The following CTNNA2 variants were observed in gnomAD, a reference collection of about 807,000 sequenced individuals.
CTNNA2 encodes the protein catenin alpha 2, also known as catenin alpha-2.
CTNNA2 carries 42 observed loss-of-function variants against 101.0 expected under a neutral mutation model. That is an observed-to-expected ratio of 0.42 (90% CI 0.32 to 0.54). The LOEUF (loss-of-function observed/expected upper bound fraction) is 0.54. Among genes scored for constraint, CTNNA2 ranks in the 20% least tolerant of loss-of-function variants. CTNNA2 has a pLI of 0.14. For synonymous variants in CTNNA2, 450 were observed against 456.4 expected (o/e 0.99, Z 0.18); for missense variants, 871 against 1,223.1 (o/e 0.71, Z 4.29).
At chr2:80,209,228 G>A (rs915818653) in intron 7 of CTNNA2, among the ~76,000 whole-genome samples, 2 of 147,052 alleles carry the variant, frequency 1.4e-5, no homozygotes, top group African/African-American at 2.5e-5. Flanking sequence ...CTGAGAAGGA[G>A]TCTTGCTCTG....
chr2:80,296,323 A>G (rs538784671), intron 7 of CTNNA2, among the ~76,000 whole-genome samples: 11 of 152,276 alleles, frequency 7.2e-5, no homozygotes, highest in African/African-American at 2.6e-4. Context: ...TGGAAGGAAT[A>G]TCAAGTTTCT....
intron 7 of CTNNA2, among the ~76,000 whole-genome samples, chr2:80,295,448 AT>A (rs960427010): frequency 1.4e-4 from 22 of 151,868 alleles, no homozygotes; most frequent in East Asian, 7.7e-4. Flanking sequence ...CTCTCAGTGA[AT>A]TTTTTTTTAA....
Position 80,591,801 on chromosome 2 carries a change from C to G in CTNNA2, c.2189+2316C>G, listed in dbSNP as rs1696536146. ...ATTCATTAATTTGATTCAGTAATCTCAATGATATTCACTCCATTGTTATTA... is the reference window on the plus strand; with the variant it reads ...ATTCATTAATTTGATTCAGTAATCTGAATGATATTCACTCCATTGTTATTA... On this transcript the variant is annotated intron_variant, in intron 15 of 18. Transcript: ENST00000402739. Among the ~76,000 whole-genome samples, 3 of 152,044 alleles carry G rather than the reference C, an allele frequency of 2.0e-5. No homozygotes were observed. In the South Asian group the frequency reaches 6.2e-4, roughly 32 times the overall value.
At chr2:79,665,822 GAAC>G (rs1682377835) in intron 2 of CTNNA2, among the ~76,000 whole-genome samples, 1 of 152,064 alleles carries the variant, frequency 6.6e-6, no homozygotes, top group Non-Finnish European at 1.5e-5. Flanking sequence ...GAATCTCCTG[GAAC>G]ATGTTAGTTA....
At chr2:80,094,604 C>T (rs1223582206) in intron 7 of CTNNA2, among the ~76,000 whole-genome samples, 1 of 152,120 alleles carries the variant, frequency 6.6e-6, no homozygotes, top group African/African-American at 2.4e-5. Flanking sequence ...GGCAGTATGG[C>T]CATTTTCACG....
chr2:80,184,892 A>C (rs2148987172), intron 7 of CTNNA2, among the ~76,000 whole-genome samples: 1 of 152,346 alleles, frequency 6.6e-6, no homozygotes, highest in South Asian at 2.1e-4. Flanking sequence ...GATGTGCAAG[A>C]AACATCCTAT....
chr2:79,447,510 A>G (rs1196765299), intron 4 of CTNNA2, among the ~76,000 whole-genome samples: 1 of 152,060 alleles, frequency 6.6e-6, no homozygotes, highest in African/African-American at 2.4e-5. Flanking sequence ...CAGCCAAGAA[A>G]CTGCCTAATG....
chr2:80,441,732 C>A (rs1032066324), intron 9 of CTNNA2, among the ~76,000 whole-genome samples: 2 of 152,038 alleles, frequency 1.3e-5, no homozygotes, highest in African/African-American at 4.8e-5. Flanking sequence ...GAAATGGAGA[C>A]AGAATGGGGA....
intron 7 of CTNNA2, among the ~76,000 whole-genome samples, chr2:80,388,831 C>A (rs545802034): frequency 1.3e-5 from 2 of 152,266 alleles, no homozygotes; most frequent in African/African-American, 4.8e-5. Context: ...GGATGGAGAG[C>A]TAGGTGAGGC....
chr2:79,945,263 A>G (rs1688419208), intron 7 of CTNNA2, among the ~76,000 whole-genome samples: 1 of 152,066 alleles, frequency 6.6e-6, no homozygotes, highest in Non-Finnish European at 1.5e-5. Flanking sequence ...CTGGTCTTAC[A>G]TTCCTGGGCT....
chr2:80,235,178 G>A (rs960948130), intron 7 of CTNNA2, among the ~76,000 whole-genome samples: 1 of 151,986 alleles, frequency 6.6e-6, no homozygotes, highest in South Asian at 2.1e-4. Context: ...TATTTTAAAT[G>A]TTCAAATATG....
At chr2:79,687,867 C>T (rs546702855) in intron 2 of CTNNA2, 38 of 361,102 alleles carry the variant, frequency 1.1e-4, no homozygotes, top group African/African-American at 6.4e-4. Context: ...ATGAATGTCC[C>T]GGAATAGATA....
At chr2:79,425,403 T>C (rs1011999213) in intron 4 of CTNNA2, among the ~76,000 whole-genome samples, 7 of 152,152 alleles carry the variant, frequency 4.6e-5, no homozygotes, top group African/African-American at 1.7e-4. Context: ...CTGGATAATA[T>C]ATAAAGGACA....
intron 7 of CTNNA2, among the ~76,000 whole-genome samples, chr2:80,070,627 G>A (rs954737066): frequency 6.6e-6 from 1 of 152,018 alleles, no homozygotes; most frequent in African/African-American, 2.4e-5. Context: ...TCAGGAGGGA[G>A]GATCGCTTGA....
At chr2:80,237,519 G>T (rs1463462904) in intron 7 of CTNNA2, among the ~76,000 whole-genome samples, 1 of 152,048 alleles carries the variant, frequency 6.6e-6, no homozygotes, top group Non-Finnish European at 1.5e-5. Context: ...GTGGTTCTTG[G>T]CAATAGTAGT....
chr2:80,597,668 A>G, intron 15 of CTNNA2, among the ~76,000 whole-genome samples: 1 of 152,216 alleles, frequency 6.6e-6, no homozygotes, highest in Admixed American at 6.5e-5. Flanking sequence ...AAAGGATATG[A>G]ACAGACACTT....
intron 1 of CTNNA2, among the ~76,000 whole-genome samples, chr2:79,615,983 G>A: frequency 6.6e-6 from 1 of 152,276 alleles, no homozygotes; most frequent in Non-Finnish European, 1.5e-5. Flanking sequence ...GTGTTATGAG[G>A]AGCACTGTGA....
intron 7 of CTNNA2, chr2:80,030,539 C>T (rs1207715844): frequency 1.3e-5 from 2 of 152,092 alleles, no homozygotes; most frequent in East Asian, 3.9e-4. Flanking sequence ...GTTTCGTTGT[C>T]CTGAGTCTTC....
intron 2 of CTNNA2, among the ~76,000 whole-genome samples, chr2:79,717,096 T>G (rs2104841004): frequency 6.6e-6 from 1 of 152,270 alleles, no homozygotes. Flanking sequence ...TGAAAGCCAT[T>G]TCTATTTGTG....
Sources: allele counts gnomAD v4.1 joint callset (sites outside exome capture counted in the v4.1 genomes callset), GRCh38; gene constraint gnomAD v4.1.1; transcripts MANE v1.5; gene names NCBI Gene and HGNC (gene_info 2026-07-23, HGNC 2026-07-21).